The following SHPK variants were observed in gnomAD, a reference collection of about 807,000 sequenced individuals.
SHPK encodes carbohydrate kinase-like protein.
In SHPK, 51 loss-of-function variants were observed where a neutral mutation model predicts 46.3. That is an observed-to-expected ratio of 1.10 (90% CI 0.88 to 1.39). SHPK has a LOEUF of 1.39. Among genes scored for constraint, SHPK ranks in the 40% most tolerant of loss-of-function variants. The pLI is 0.00. For missense variants in SHPK, 668 were observed against 641.3 expected (o/e 1.04, Z -0.45); for synonymous variants, 290 against 273.9 (o/e 1.06, Z -0.58).
intron 2 of SHPK, among the ~76,000 whole-genome samples, chr17:3,629,311 C>T (rs2075456204): frequency 6.6e-6 from 1 of 152,138 alleles, no homozygotes; most frequent in East Asian, 1.9e-4. Context: ...ATGTGAAGTG[C>T]TCATTGTGGT....
At chr17:3,627,313 G>A (rs1246410066) in intron 2 of SHPK, among the ~76,000 whole-genome samples, 1 of 152,040 alleles carries the variant, frequency 6.6e-6, no homozygotes, top group African/African-American at 2.4e-5. Flanking sequence ...GTAACCACAG[G>A]CCTTTCAGAA....
rs759084040 is a variant in SHPK at position 3,636,180 on chromosome 17, T to TG, written c.39dup (p.Thr14HisfsTer51). 8 of 1,611,278 alleles carry TG rather than the reference T, an allele frequency of 5.0e-6. No homozygotes were observed. In the South Asian group the frequency reaches 7.7e-5, roughly 16 times the overall value. On this transcript the variant is annotated frameshift_variant, in exon 1 of 7. Transcript: ENST00000225519. LOFTEE classifies it high-confidence loss of function. ...AGCAGAGCTGCCTTCACAGATGTGG[T>TG]GCCCAGGTCAATGCCGAGGGTGATC...
chr17:3,631,549 G>C (rs1170569109), intron 1 of SHPK, among the ~76,000 whole-genome samples: 1 of 83,810 alleles, frequency 1.2e-5, no homozygotes, highest in Non-Finnish European at 1.8e-5. Context: ...TAGCGATAGA[G>C]TCTCTCTCTA....
chr17:3,623,266 A>G (rs923513445), intron 4 of SHPK, 73 bp downstream of exon 4: 2 of 1,545,634 alleles, frequency 1.3e-6, no homozygotes, highest in African/African-American at 1.4e-5. Context: ...GAAAGCACCC[A>G]CTGAAGCACT....
chr17:3,611,550 C>T (rs1416980780), intron 6 of SHPK, among the ~76,000 whole-genome samples: 1 of 152,104 alleles, frequency 6.6e-6, no homozygotes, highest in African/African-American at 2.4e-5. Context: ...GCCTGGGCAA[C>T]AAGAGCAAGA....
intron 2 of SHPK, among the ~76,000 whole-genome samples, chr17:3,625,000 C>T (rs929088349): frequency 2.3e-4 from 25 of 110,358 alleles, no homozygotes; most frequent in African/African-American, 5.4e-4. Context: ...ATCATCTGAC[C>T]GTCAGATTTT....
In SHPK at chr17:3,624,105, T is replaced by A. The variant is rs2075418772; in HGVS notation, c.437A>T (p.His146Leu). The A allele has an allele frequency of 5.0e-6, 8 of 1,614,074 alleles. No individual in the cohort carries two copies. Among genetic ancestry groups the A allele is most frequent in the Non-Finnish European group, 6.8e-6 (8 of 1,179,932 alleles). ...GCCGAAGCCCGTGGCCACACTGAGA[T>A]GAGACTTCGGCTGGGGCAGAGAGGC... The part of the protein sequence containing the change: ...FLASLPQPKS[H>L]LSVATGFGCA... Residue 146 changes from histidine (H) to leucine (L), a missense_variant, in exon 3 of 7, where the codon CAT becomes CTT. Transcript: ENST00000225519.
intron 5 of SHPK, 34 bp from the exon 6 acceptor site, chr17:3,615,571 C>A: frequency 6.3e-7 from 1 of 1,595,070 alleles, no homozygotes; most frequent in South Asian, 1.1e-5. Flanking sequence ...TTAGGCCTGT[C>A]GGGCTAACTC....
At position 3,610,545 on chromosome 17, in the gene SHPK, G is replaced by C. The variant is rs370840181; in HGVS notation, c.*15C>G. ...GTAAAATTCACAGCAGTCGTTTGGCGAAAGAGTTTGCTGTCTAAGATTCCT... is the reference window on the plus strand; with the variant it reads ...GTAAAATTCACAGCAGTCGTTTGGCCAAAGAGTTTGCTGTCTAAGATTCCT... On this transcript the variant is annotated 3_prime_UTR_variant, in exon 7 of 7. Coordinates refer to ENST00000225519, the MANE Select transcript of SHPK (RefSeq NM_013276.4). 4.4e-6 allele frequency: 7 copies of C among 1,582,214 alleles called. No individual in the cohort carries two copies. In the East Asian group the frequency reaches 1.4e-4, roughly 31 times the overall value.
chr17:3,611,303 T>C (rs2075338291), intron 6 of SHPK, among the ~76,000 whole-genome samples: 1 of 152,162 alleles, frequency 6.6e-6, no homozygotes, highest in African/African-American at 2.4e-5. Context: ...GCGTGGTGGC[T>C]CACGCCTGTA....
intron 1 of SHPK, among the ~76,000 whole-genome samples, chr17:3,633,839 G>A (rs1236685604): frequency 6.6e-6 from 1 of 152,192 alleles, no homozygotes; most frequent in African/African-American, 2.4e-5. Flanking sequence ...GGGAAAGGTG[G>A]GGAAAAGATT....
At chr17:3,611,335 A>G (rs912060597) in intron 6 of SHPK, among the ~76,000 whole-genome samples, 1 of 152,136 alleles carries the variant, frequency 6.6e-6, no homozygotes, top group African/African-American at 2.4e-5. Context: ...TTGGGAGGCC[A>G]AGGCGGGCAG....
Position 3,636,225 on chromosome 17 carries a change from C to T in SHPK, c.-6G>A. ...GTGATCGGCCGCGCAGCCATTATCTCCCTGACCCGCGCAGCTCCAGTCTGC... is the reference window on the plus strand; with the variant it reads ...GTGATCGGCCGCGCAGCCATTATCTTCCTGACCCGCGCAGCTCCAGTCTGC... On this transcript the variant is annotated 5_prime_UTR_variant, in exon 1 of 7. Transcript: ENST00000225519. The T allele has an allele frequency of 6.3e-7, 1 of 1,595,270 alleles. No individual in the cohort carries two copies. The highest frequency in any genetic ancestry group is 8.6e-7 in the Non-Finnish European group (1 of 1,167,270).
chr17:3,611,582 A>C (rs559947939), intron 6 of SHPK, among the ~76,000 whole-genome samples: 1 of 152,134 alleles, frequency 6.6e-6, no homozygotes, highest in Non-Finnish European at 1.5e-5. Context: ...ACAAACAAAC[A>C]AACAAAACTA....
Position 3,623,189 on chromosome 17 carries a change from C to A in SHPK, c.647+150G>T, listed in dbSNP as rs1597573428. ...CACTGGGCCCATCCATGCCCCGTGT[C>A]TGGGACAGGCCAGGGGCACTGGACC... On this transcript the variant is annotated intron_variant, in intron 4 of 6. Coordinates refer to ENST00000225519, the MANE Select transcript of SHPK (RefSeq NM_013276.4). 25 of 836,126 alleles carry A rather than the reference C, an allele frequency of 3.0e-5. No individual in the cohort carries two copies. The East Asian group carries it at 5.7e-4, about 19-fold the overall frequency. 51.8% of individuals were successfully genotyped at this position (836,126 alleles called of 1,614,324 possible).
chr17:3,631,764 C>G (rs1317275713), intron 1 of SHPK, among the ~76,000 whole-genome samples: 1 of 151,746 alleles, frequency 6.6e-6, no homozygotes, highest in African/African-American at 2.4e-5. Flanking sequence ...CTCAGGGATT[C>G]ACCCACCTCG....
At chr17:3,619,163 T>C in intron 5 of SHPK, 1 of 391,514 alleles carries the variant, frequency 2.6e-6, no homozygotes, top group Non-Finnish European at 4.7e-6. Flanking sequence ...GATGATGCCT[T>C]AAGAACAACT....
At chr17:3,611,059 C>G (rs2075336911) in intron 6 of SHPK, 87 bp from the exon 7 acceptor site, 1 of 1,237,564 alleles carries the variant, frequency 8.1e-7, no homozygotes, top group Non-Finnish European at 1.1e-6. Context: ...AGGGTGGGAA[C>G]AGCGCTACTT....
intron 5 of SHPK, among the ~76,000 whole-genome samples, chr17:3,616,913 A>G (rs1185929215): frequency 1.6e-4 from 25 of 151,708 alleles, no homozygotes; most frequent in Non-Finnish European, 1.5e-5. Context: ...AATTTTTTGT[A>G]TTTTTATTAG....
Sources: gnomAD v4.1 joint callset for allele counts (sites outside exome capture counted in the v4.1 genomes callset) on GRCh38, gnomAD v4.1.1 for gene constraint, MANE v1.5 for transcripts, NCBI Gene and HGNC (gene_info 2026-07-23, HGNC 2026-07-21) for gene names.